Variants in AGBL4 observed in about 807,000 individuals in gnomAD.
AGBL4 encodes cytosolic carboxypeptidase 6.
In AGBL4, 58 loss-of-function variants were observed where a neutral mutation model predicts 66.4. The ratio of observed to expected loss-of-function variants is 0.87; its 90% CI spans 0.71 to 1.09. The LOEUF is 1.09. Ranked by LOEUF, AGBL4 falls within the 50% of genes least tolerant of loss-of-function variation. AGBL4 has a pLI of 0.00. For synonymous variants in AGBL4, 234 were observed against 222.9 expected (o/e 1.05, Z -0.44); for missense variants, 579 against 631.0 (o/e 0.92, Z 0.88).
At chr1:49,934,259 A>G (rs1653687918) in intron 1 of AGBL4, among the ~76,000 whole-genome samples, 1 of 152,204 alleles carries the variant, frequency 6.6e-6, no homozygotes, top group Non-Finnish European at 1.5e-5. Context: ...ATCCAGACAG[A>G]AAATCAATAA....
At chr1:49,546,826 A>G (rs1652530583) in intron 3 of AGBL4, among the ~76,000 whole-genome samples, 1 of 152,148 alleles carries the variant, frequency 6.6e-6, no homozygotes, top group African/African-American at 2.4e-5. Flanking sequence ...CTGTCTATTA[A>G]TGTGCTTAGC....
intron 4 of AGBL4, among the ~76,000 whole-genome samples, chr1:49,163,425 A>C (rs1646574961): frequency 6.6e-6 from 1 of 152,168 alleles, no homozygotes. Flanking sequence ...ATTCCTAGTC[A>C]TCAAAGTACT....
chr1:48,562,256 G>C (rs1394281014), intron 11 of AGBL4, among the ~76,000 whole-genome samples: 1 of 152,188 alleles, frequency 6.6e-6, no homozygotes, highest in Non-Finnish European at 1.5e-5. Context: ...TAAGATATGG[G>C]AAAGAACGAT....
rs201715072 is a variant in AGBL4, at chr1:49,516,064, G to GCC, written c.282+181247_282+181248dup. 3.2e-3 allele frequency among the ~76,000 whole-genome samples: 474 copies of GCC among 146,298 alleles called. 1 individual carries two copies. The highest frequency in any genetic ancestry group is 0.011 in the African/African-American group (433 of 39,852). On this transcript the variant is annotated intron_variant, in intron 3 of 13. Coordinates refer to ENST00000371839, the MANE Select transcript of AGBL4 (RefSeq NM_032785.4). ...TTAAAAAAAAAAAAGAATCAAGACT[G>GCC]CCCCCCCCCACAAAAAAAAATGACT... is the stretch of plus-strand genomic sequence containing the variant.
At chr1:49,605,163 A>T (rs1032504150) in intron 3 of AGBL4, among the ~76,000 whole-genome samples, 3 of 152,158 alleles carry the variant, frequency 2.0e-5, no homozygotes, top group Admixed American at 6.6e-5. Context: ...ATTGTACTTC[A>T]GGATGTACTG....
chr1:48,953,015 G>A (rs543874101), intron 5 of AGBL4, among the ~76,000 whole-genome samples: 6 of 152,182 alleles, frequency 3.9e-5, no homozygotes, highest in African/African-American at 7.2e-5. Context: ...CACTGTTTCC[G>A]TGCGTGAAAA....
At chr1:49,306,469 A>G (rs921088861) in intron 3 of AGBL4, among the ~76,000 whole-genome samples, 3 of 152,156 alleles carry the variant, frequency 2.0e-5, no homozygotes, top group East Asian at 3.8e-4. Flanking sequence ...TTTCTCTTCA[A>G]TAAGGTTTTC....
At chr1:48,728,313 G>T (rs1180056727) in intron 6 of AGBL4, among the ~76,000 whole-genome samples, 2 of 151,756 alleles carry the variant, frequency 1.3e-5, no homozygotes, top group Non-Finnish European at 2.9e-5. Context: ...CCAAGCACCT[G>T]CAGGCCCCTC....
At chr1:49,512,691 TA>T (rs1158261278) in intron 3 of AGBL4, among the ~76,000 whole-genome samples, 1 of 151,898 alleles carries the variant, frequency 6.6e-6, no homozygotes, top group Non-Finnish European at 1.5e-5. Context: ...ATGAGCCAAT[TA>T]AACCCCTTTG....
chr1:49,683,301 A>G (rs1345818092), intron 3 of AGBL4, among the ~76,000 whole-genome samples: 1 of 152,204 alleles, frequency 6.6e-6, no homozygotes, highest in African/African-American at 2.4e-5. Flanking sequence ...TTGCAGAGAT[A>G]AAGGTTAAAC....
intron 1 of AGBL4, among the ~76,000 whole-genome samples, chr1:50,009,717 G>A (rs569925567): frequency 4.0e-5 from 6 of 150,288 alleles, no homozygotes; most frequent in Admixed American, 2.0e-4. Flanking sequence ...GGAAGAAGTC[G>A]AATTATTATT....
At chr1:49,475,116 T>C (rs1381654491) in intron 3 of AGBL4, among the ~76,000 whole-genome samples, 1 of 152,050 alleles carries the variant, frequency 6.6e-6, no homozygotes, top group Non-Finnish European at 1.5e-5. Context: ...GTTCCTTTGA[T>C]GCCTAGTTTG....
At chr1:49,914,306 G>A (rs1651166037) in intron 1 of AGBL4, among the ~76,000 whole-genome samples, 1 of 152,096 alleles carries the variant, frequency 6.6e-6, no homozygotes, top group Non-Finnish European at 1.5e-5. Context: ...AGATATCCTT[G>A]TTCATCACTC....
intron 2 of AGBL4, among the ~76,000 whole-genome samples, chr1:49,834,327 A>T: frequency 6.6e-6 from 1 of 152,226 alleles, no homozygotes; most frequent in East Asian, 1.9e-4. Context: ...GTATGTGTCC[A>T]GGAATTTATC....
chr1:49,729,308 A>C (rs1649256016), intron 2 of AGBL4, among the ~76,000 whole-genome samples: 1 of 152,202 alleles, frequency 6.6e-6, no homozygotes, highest in African/African-American at 2.4e-5. Flanking sequence ...TTCAATCTAT[A>C]CAAATTCTTT....
chr1:49,092,055 A>C (rs1645012795), intron 4 of AGBL4, among the ~76,000 whole-genome samples: 1 of 152,072 alleles, frequency 6.6e-6, no homozygotes, highest in South Asian at 2.1e-4. Context: ...GAGAAGGGAG[A>C]GGATAGAGAA....
intron 4 of AGBL4, among the ~76,000 whole-genome samples, chr1:49,134,439 A>G (rs1645964323): frequency 6.6e-6 from 1 of 151,080 alleles, no homozygotes; most frequent in South Asian, 2.1e-4. Context: ...CTACAACTGC[A>G]TAAGGCAGAC....
At chr1:49,948,140 A>G (rs1259523179) in intron 1 of AGBL4, among the ~76,000 whole-genome samples, 3 of 103,940 alleles carry the variant, frequency 2.9e-5, no homozygotes, top group Non-Finnish European at 5.1e-5. Context: ...AAATATATGT[A>G]AATATATATA....
chr1:49,846,045 T>C, intron 2 of AGBL4: 3 of 1,591,108 alleles, frequency 1.9e-6, no homozygotes, highest in Non-Finnish European at 2.6e-6. Context: ...CTTGCTCCCC[T>C]CATTCAGCAT....
Sources: allele counts gnomAD v4.1 joint callset (sites outside exome capture counted in the v4.1 genomes callset), GRCh38; gene constraint gnomAD v4.1.1; transcripts MANE v1.5; gene names NCBI Gene and HGNC (gene_info 2026-07-23, HGNC 2026-07-21).